ZNF280D: variants seen among roughly 807,000 people sequenced by gnomAD.
ZNF280D encodes suppressor of hairy wing homolog 4.
Under a neutral mutation model 94.7 loss-of-function variants are expected in ZNF280D, and 39 were observed. That is an observed-to-expected ratio of 0.41 (90% CI 0.32 to 0.54). The LOEUF (loss-of-function observed/expected upper bound fraction) is 0.54, where lower values mean the gene tolerates loss of function less well. Ranked by LOEUF, ZNF280D falls within the 20% of genes least tolerant of loss-of-function variation. ZNF280D has a pLI of 0.22. For missense variants in ZNF280D, 1,090 were observed against 1,149.3 expected, an observed-to-expected ratio of 0.95 and a Z score of 0.75; for synonymous variants, 398 against 377.6, an observed-to-expected ratio of 1.05 and a Z score of -0.63.
intron 1 of ZNF280D, among the ~76,000 whole-genome samples, chr15:56,716,198 T>G (rs1184363271): frequency 1.3e-5 from 2 of 152,002 alleles, no homozygotes; most frequent in African/African-American, 2.4e-5. Flanking sequence ...AATTAATACA[T>G]ACTTACTGCA....
chr15:56,672,990 G>C (rs908398753), intron 13 of ZNF280D, among the ~76,000 whole-genome samples: 37 of 151,594 alleles, frequency 2.4e-4, no homozygotes, highest in Non-Finnish European at 7.4e-5. Context: ...ACAGGTACAG[G>C]CAATTTAAAC....
intron 6 of ZNF280D, chr15:56,698,812 C>T (rs1238781410): frequency 6.6e-6 from 1 of 152,224 alleles, no homozygotes; most frequent in Non-Finnish European, 1.5e-5. Context: ...CAGCCAAAAG[C>T]CAACAAGATA....
At chr15:56,691,099 G>C (rs1474965629) in intron 7 of ZNF280D, among the ~76,000 whole-genome samples, 1 of 151,982 alleles carries the variant, frequency 6.6e-6, no homozygotes, top group East Asian at 1.9e-4. Flanking sequence ...TACACAGAAA[G>C]CACTCAGTAA....
At position 56,689,157 on chromosome 15, in the gene ZNF280D, T is replaced by C. The variant is rs1476083019; in HGVS notation, c.671-7A>G. 1.9e-6 allele frequency: 3 copies of C among 1,599,034 alleles called. No individual in the cohort carries two copies. Among genetic ancestry groups the C allele is most frequent in the Non-Finnish European group, 1.7e-6 (2 of 1,172,724 alleles). On this transcript the variant is annotated splice_region_variant and splice_polypyrimidine_tract_variant and intron_variant, in intron 8 of 21. Transcript: ENST00000267807. ...TTTGATGAGGTATTTGTACCTAAAA[T>C]AAATTCAGAACATTTATGACTCAAA...
intron 20 of ZNF280D, among the ~76,000 whole-genome samples, chr15:56,638,149 T>C (rs1487280133): frequency 6.6e-6 from 1 of 152,148 alleles, no homozygotes; most frequent in African/African-American, 2.4e-5. Context: ...TCGTTTCCAG[T>C]AATAAAATCA....
chr15:56,659,938 A>G (rs1310104581), intron 16 of ZNF280D, among the ~76,000 whole-genome samples: 1 of 151,992 alleles, frequency 6.6e-6, no homozygotes, highest in Non-Finnish European at 1.5e-5. Flanking sequence ...ATATATTCCT[A>G]CCCAACTATC....
chr15:56,648,032 TAA>T (rs1231332730), intron 19 of ZNF280D, among the ~76,000 whole-genome samples: 2 of 152,142 alleles, frequency 1.3e-5, no homozygotes, highest in Non-Finnish European at 2.9e-5. Context: ...CTAAAAATGC[TAA>T]AGTTATAAAG....
At chr15:56,688,974 A>T in intron 9 of ZNF280D, 67 bp downstream of exon 9, 2 of 963,072 alleles carry the variant, frequency 2.1e-6, no homozygotes, top group Non-Finnish European at 3.2e-6. Context: ...ACCATTAATT[A>T]CTGTAATCAT....
At position 56,643,264 on chromosome 15, in the gene ZNF280D, C is replaced by T. The variant is rs1281699564; in HGVS notation, c.2214-267G>A. On this transcript the variant is annotated intron_variant, in intron 19 of 21. Coordinates refer to ENST00000267807, the MANE Select transcript of ZNF280D (RefSeq NM_017661.4). ...AAAACAAGGACACTTAAGAAATGTT[C>T]TCTTTGCTAAGTACAATTTAAAATA... The T allele has an allele frequency of 2.1e-5, 5 of 239,842 alleles. 1 individual carries two copies. The South Asian group carries it at 8.1e-4, about 39-fold the overall frequency. The allele number at this position is 239,842 out of a possible 1,614,324, so 14.9% of individuals were successfully genotyped here.
intron 4 of ZNF280D, among the ~76,000 whole-genome samples, chr15:56,701,611 T>G (rs1462473071): frequency 6.6e-6 from 1 of 152,116 alleles, no homozygotes; most frequent in Admixed American, 6.5e-5. Flanking sequence ...TTTAAATGTA[T>G]ATCTTTCTTT....
rs2056257634 is a variant in ZNF280D at position 56,689,133 on chromosome 15, T to C, written c.688A>G (p.Asn230Asp). 10 of 1,609,542 alleles carry C rather than the reference T, an allele frequency of 6.2e-6. No homozygotes were observed. The highest frequency in any genetic ancestry group is 8.5e-6 in the Non-Finnish European group (10 of 1,178,120). The part of the protein sequence containing the change: ...MLAKGTNTSS[N>D]QSKNGTPFPR... ...AAAGGTGTTCCATTTTTAGACTGAT[T>C]TGATGAGGTATTTGTACCTAAAATA... Residue 230 changes from asparagine (N) to aspartate (D), a missense_variant, in exon 9 of 22, where the codon AAT becomes GAT. Physicochemically the swap from Asn to Asp is conservative, Grantham distance 23 (BLOSUM62 1). Around this residue, in one of 3 missense-constraint regions of ZNF280D, gnomAD observed 386 missense variants for 372.0 expected, o/e 1.04. Coordinates refer to ENST00000267807, the MANE Select transcript of ZNF280D (RefSeq NM_017661.4).
At chr15:56,717,988 T>C (rs2058136929) in intron 1 of ZNF280D, among the ~76,000 whole-genome samples, 1 of 152,156 alleles carries the variant, frequency 6.6e-6, no homozygotes, top group Non-Finnish European at 1.5e-5. Flanking sequence ...TTAAACATTA[T>C]GTGACTGAAA....
chr15:56,655,469 T>C (rs571684911), intron 17 of ZNF280D, among the ~76,000 whole-genome samples: 2 of 152,326 alleles, frequency 1.3e-5, no homozygotes, highest in African/African-American at 2.4e-5. Flanking sequence ...GGCCTCCCAG[T>C]GCTGGGATTA....
At chr15:56,686,241 C>T (rs547211616) in intron 9 of ZNF280D, among the ~76,000 whole-genome samples, 1 of 152,270 alleles carries the variant, frequency 6.6e-6, no homozygotes, top group Admixed American at 6.5e-5. Context: ...CAGGTTCAAG[C>T]GATTCTCTCG....
chr15:56,723,446 T>C (rs770788526), intron 1 of ZNF280D, among the ~76,000 whole-genome samples: 4 of 152,190 alleles, frequency 2.6e-5, no homozygotes, highest in Non-Finnish European at 5.9e-5. Flanking sequence ...GAAAATATTA[T>C]GGAATTAGTG....
At chr15:56,650,921 T>G (rs1475932685) in intron 19 of ZNF280D, among the ~76,000 whole-genome samples, 1 of 152,150 alleles carries the variant, frequency 6.6e-6, no homozygotes, top group Non-Finnish European at 1.5e-5. Flanking sequence ...CCTCACTAAA[T>G]TAAAAATGGC....
intron 4 of ZNF280D, among the ~76,000 whole-genome samples, chr15:56,702,310 G>T (rs2057127544): frequency 6.6e-6 from 1 of 152,160 alleles, no homozygotes; most frequent in Non-Finnish European, 1.5e-5. Context: ...TATTTAGTGG[G>T]TGTAGTCTAT....
chr15:56,721,487 C>A (rs2058357200), intron 1 of ZNF280D, among the ~76,000 whole-genome samples: 3 of 152,288 alleles, frequency 2.0e-5, no homozygotes, highest in Admixed American at 1.3e-4. Flanking sequence ...TATAGAAAAT[C>A]TATTGTTTAG....
rs111396646 is a variant in ZNF280D, at chr15:56,726,575, C to T, written c.-86+6883G>A. ...TTTTCCTACATCTTGAAATATTTTG[C>T]TAACTCCATCATTCTAGGTATTATT... is the stretch of plus-strand genomic sequence containing the variant. On this transcript the variant is annotated intron_variant, in intron 1 of 21. Coordinates refer to ENST00000267807, the MANE Select transcript of ZNF280D (RefSeq NM_017661.4). 5.0e-3 allele frequency among the ~76,000 whole-genome samples: 766 copies of T among 152,090 alleles called. 4 individuals carry two copies. Among genetic ancestry groups the T allele is most frequent in the Middle Eastern group, 0.02 (6 of 294 alleles).
Sources: allele counts gnomAD v4.1 joint callset (sites outside exome capture counted in the v4.1 genomes callset), GRCh38; gene constraint gnomAD v4.1.1; regional missense constraint gnomAD v4.1.1; transcripts MANE v1.5; gene names NCBI Gene and HGNC (gene_info 2026-07-23, HGNC 2026-07-21).